SNTG2: variants seen among roughly 807,000 people sequenced by gnomAD.
The protein encoded by SNTG2 is gamma-2-syntrophin.
In SNTG2, 74 loss-of-function variants were observed where a neutral mutation model predicts 70.9. The observed-to-expected ratio is 1.04, with a 90% CI of 0.86 to 1.27. The LOEUF (loss-of-function observed/expected upper bound fraction) is 1.27. Among genes scored for constraint, SNTG2 ranks in the 50% most tolerant of loss-of-function variants. The pLI is 0.00. For missense variants in SNTG2, 717 were observed against 690.7 expected, an observed-to-expected ratio of 1.04 and a Z score of -0.43; for synonymous variants, 278 against 273.8, an observed-to-expected ratio of 1.02 and a Z score of -0.15.
intron 14 of SNTG2, among the ~76,000 whole-genome samples, chr2:1,276,731 G>T (rs1572907231): frequency 6.6e-6 from 1 of 152,172 alleles, no homozygotes; most frequent in South Asian, 2.1e-4. Flanking sequence ...ATCTCATAAG[G>T]TTATAGCTGC....
chr2:981,626 C>T (rs552526859), intron 1 of SNTG2, among the ~76,000 whole-genome samples: 17 of 152,200 alleles, frequency 1.1e-4, no homozygotes, highest in African/African-American at 3.9e-4. Flanking sequence ...TGCATATACA[C>T]ACAGGTGCAC....
At chr2:1,276,534 A>G (rs1302101563) in intron 14 of SNTG2, among the ~76,000 whole-genome samples, 1 of 152,188 alleles carries the variant, frequency 6.6e-6, no homozygotes, top group Non-Finnish European at 1.5e-5. Flanking sequence ...GTTGAGACCT[A>G]CTGCTCAGAA....
chr2:1,098,204 T>G lies in SNTG2; in HGVS notation c.219T>G (p.Thr73=). 1 of 1,614,060 alleles carries G rather than the reference T, an allele frequency of 6.2e-7. No homozygotes were observed. The highest frequency in any genetic ancestry group is 1.1e-5 in the South Asian group (1 of 91,090). Residue 73 remains threonine (T), a synonymous_variant, in exon 3 of 17, where the codon ACT becomes ACG. Coordinates refer to ENST00000308624, the MANE Select transcript of SNTG2 (RefSeq NM_018968.4). ...GGSHQGRNRR[T]VTLRRQPVGG... is the part of the protein sequence containing the mutation. ...TCTAAAATGTTTTAAAGCGCAGAACTGTTACACTCCGCAGACAGCCAGTTG... is the reference window on the plus strand; with the variant it reads ...TCTAAAATGTTTTAAAGCGCAGAACGGTTACACTCCGCAGACAGCCAGTTG...
At chr2:1,066,189 T>C (rs1024239895) in intron 1 of SNTG2, among the ~76,000 whole-genome samples, 1 of 152,212 alleles carries the variant, frequency 6.6e-6, no homozygotes, top group Non-Finnish European at 1.5e-5. Context: ...TGACGAACTC[T>C]TAGAAAGCAT....
intron 9 of SNTG2, among the ~76,000 whole-genome samples, chr2:1,233,903 T>G (rs28662463): frequency 0.32 from 48,044 of 151,880 alleles, 9,071 homozygotes; most frequent in African/African-American, 0.53. Flanking sequence ...TTCTTCTCGG[T>G]GGACCCCGGG....
At chr2:1,186,600 G>A (rs944661611) in intron 8 of SNTG2, among the ~76,000 whole-genome samples, 20 of 152,124 alleles carry the variant, frequency 1.3e-4, no homozygotes, top group Non-Finnish European at 7.4e-5. Flanking sequence ...CAAAGGGGAA[G>A]CAGGCAGGTC....
chr2:1,287,678 C>T (rs979911136), intron 14 of SNTG2, among the ~76,000 whole-genome samples: 4 of 152,186 alleles, frequency 2.6e-5, no homozygotes, highest in Non-Finnish European at 4.4e-5. Flanking sequence ...AGCGAGCACT[C>T]GTCATTCTCA....
intron 1 of SNTG2, among the ~76,000 whole-genome samples, chr2:1,059,977 A>G (rs747236325): frequency 1.3e-5 from 2 of 152,174 alleles, no homozygotes; most frequent in Non-Finnish European, 2.9e-5. Flanking sequence ...ATGGCAGATC[A>G]CTGTGGAAAT....
At position 980,928 on chromosome 2, in the gene SNTG2, G is replaced by A. The variant is rs116197557; in HGVS notation, c.72+29860G>A. On this transcript the variant is annotated intron_variant, in intron 1 of 16. Coordinates refer to ENST00000308624, the MANE Select transcript of SNTG2 (RefSeq NM_018968.4). The stretch of plus-strand genomic sequence containing the variant: ...TTCTGACTTCTTAATCATCATGACA[G>A]CCCAATTACCTAGCCCTATTATTTT... Among the ~76,000 whole-genome samples, 992 of 152,194 alleles carry A rather than the reference G, an allele frequency of 6.5e-3. 11 individuals are homozygous for A. The highest frequency in any genetic ancestry group is 0.023 in the African/African-American group (942 of 41,504).
At chr2:1,109,372 T>C (rs4971379) in intron 4 of SNTG2, among the ~76,000 whole-genome samples, 150,418 of 152,178 alleles carry the variant, frequency 0.99, 74,364 homozygotes, top group East Asian at 1. Flanking sequence ...GAAAGGATGA[T>C]GAAAACCACA....
intron 4 of SNTG2, among the ~76,000 whole-genome samples, chr2:1,105,406 T>G (rs1666050649): frequency 6.6e-6 from 1 of 152,148 alleles, no homozygotes; most frequent in Non-Finnish European, 1.5e-5. Context: ...ACATTTAAAT[T>G]CTTAGATATG....
chr2:1,114,604 G>A (rs540553201), intron 4 of SNTG2, among the ~76,000 whole-genome samples: 1 of 132,248 alleles, frequency 7.6e-6, no homozygotes, highest in Non-Finnish European at 1.6e-5. Flanking sequence ...ATCGTGTGTA[G>A]TAAGTGAGGT....
At chr2:1,266,751 C>CTTTT (rs59679083) in intron 13 of SNTG2, among the ~76,000 whole-genome samples, 1 of 107,778 alleles carries the variant, frequency 9.3e-6, no homozygotes, top group Non-Finnish European at 1.7e-5. Flanking sequence ...TCATCTTTAT[C>CTTTT]TTTTTTTTTT....
intron 2 of SNTG2, among the ~76,000 whole-genome samples, chr2:1,092,257 A>G (rs1180107506): frequency 6.6e-6 from 1 of 151,940 alleles, no homozygotes; most frequent in Non-Finnish European, 1.5e-5. Flanking sequence ...TAGAGAGAGA[A>G]AAAAAAACCC....
intron 14 of SNTG2, among the ~76,000 whole-genome samples, chr2:1,300,080 A>G (rs1225522973): frequency 2.0e-5 from 3 of 152,002 alleles, no homozygotes; most frequent in African/African-American, 4.8e-5. Context: ...GGTGCCTTAA[A>G]TGAGGGCACT....
chr2:1,046,185 GA>G (rs1661725816), intron 1 of SNTG2, among the ~76,000 whole-genome samples: 1 of 152,036 alleles, frequency 6.6e-6, no homozygotes, highest in Non-Finnish European at 1.5e-5. Context: ...AATAAGAATA[GA>G]AAACCCTGCT....
chr2:1,053,483 C>T (rs552936377), intron 1 of SNTG2, among the ~76,000 whole-genome samples: 1 of 132,604 alleles, frequency 7.5e-6, no homozygotes, highest in Non-Finnish European at 1.6e-5. Context: ...CCCCCACCCC[C>T]CCAGCCCTTT....
chr2:1,127,753 C>T (rs984979116), intron 4 of SNTG2, among the ~76,000 whole-genome samples: 7 of 151,986 alleles, frequency 4.6e-5, no homozygotes, highest in African/African-American at 1.7e-4. Context: ...TGATTTTTTT[C>T]AGCAAGTTCA....
intron 1 of SNTG2, among the ~76,000 whole-genome samples, chr2:957,883 G>A (rs761865882): frequency 6.6e-6 from 1 of 152,198 alleles, no homozygotes; most frequent in Non-Finnish European, 1.5e-5. Flanking sequence ...ATTGTTTTAA[G>A]CCACTAAGTT....
Sources: allele counts gnomAD v4.1 joint callset (sites outside exome capture counted in the v4.1 genomes callset), GRCh38; gene constraint gnomAD v4.1.1; transcripts MANE v1.5; gene names NCBI Gene and HGNC (gene_info 2026-07-23, HGNC 2026-07-21).